Variants in COQ5 observed in about 807,000 individuals in gnomAD.
COQ5 encodes 2-methoxy-6-polyprenyl-1,4-benzoquinol methylase, mitochondrial.
COQ5 carries 27 observed loss-of-function variants against 40.5 expected under a neutral mutation model. The observed-to-expected ratio is 0.67, with a 90% CI of 0.49 to 0.92. The LOEUF (loss-of-function observed/expected upper bound fraction) is 0.92, where lower values mean the gene tolerates loss of function less well. Among genes scored for constraint, COQ5 ranks in the 40% least tolerant of loss-of-function variants. The pLI is 0.00. For missense variants in COQ5, 409 were observed against 406.4 expected, an observed-to-expected ratio of 1.01 and a Z score of -0.06; for synonymous variants, 141 against 150.0, an observed-to-expected ratio of 0.94 and a Z score of 0.44.
At chr12:120,511,719 T>C (rs1869143362) in intron 3 of COQ5, among the ~76,000 whole-genome samples, 1 of 152,194 alleles carries the variant, frequency 6.6e-6, no homozygotes, top group South Asian at 2.1e-4. Flanking sequence ...GCATATCACC[T>C]CCTAGTACGA....
intron 1 of COQ5, among the ~76,000 whole-genome samples, chr12:120,525,854 G>A (rs1275727392): frequency 6.6e-6 from 1 of 152,104 alleles, no homozygotes; most frequent in African/African-American, 2.4e-5. Flanking sequence ...GAACCTGGGA[G>A]GCGGAGCTTA....
Position 120,522,360 on chromosome 12 carries a change from T to A in COQ5, c.206A>T (p.Tyr69Phe). 1.2e-6 allele frequency: 2 copies of A among 1,613,288 alleles called. No individual in the cohort carries two copies. The highest frequency in any genetic ancestry group is 1.7e-6 in the Non-Finnish European group (2 of 1,179,254). Residue 69 changes from tyrosine to phenylalanine, a missense_variant, in exon 2 of 7, where the codon TAT (tyrosine) becomes TTT (phenylalanine). Tyr to Phe is a conservative substitution (Grantham distance 22). Transcript: ENST00000288532. The stretch of plus-strand genomic sequence containing the variant: ...CTTAGCCACACTTTCAAACACCTGA[T>A]AGACTGACATGGGAGAAACACACAC... ...VSEEEKGGKV[Y>F]QVFESVAKKY...
At chr12:120,515,527 G>A (rs1869341305) in intron 3 of COQ5, among the ~76,000 whole-genome samples, 1 of 152,222 alleles carries the variant, frequency 6.6e-6, no homozygotes, top group African/African-American at 2.4e-5. Flanking sequence ...CTGTTCACGA[G>A]TGTTTCTTTG....
chr12:120,527,415 A>C (rs1870002198), intron 1 of COQ5: 1 of 152,094 alleles, frequency 6.6e-6, no homozygotes, highest in Non-Finnish European at 1.5e-5. Flanking sequence ...ATATTTTTTC[A>C]TTTCACTATA....
intron 4 of COQ5, among the ~76,000 whole-genome samples, chr12:120,506,179 T>C (rs1274747069): frequency 6.6e-6 from 1 of 151,936 alleles, no homozygotes; most frequent in African/African-American, 2.4e-5. Context: ...AAATAAAAAG[T>C]ATAGGAAGCC....
intron 1 of COQ5, 131 bp downstream of exon 1, chr12:120,528,809 A>AAG: frequency 1.1e-6 from 1 of 936,396 alleles, no homozygotes; most frequent in South Asian, 1.4e-5. Context: ...TGTCTCCAAA[A>AAG]AAAAAAAAAA....
intron 1 of COQ5, among the ~76,000 whole-genome samples, chr12:120,528,254 A>G (rs1182532009): frequency 1.3e-5 from 2 of 151,716 alleles, no homozygotes; most frequent in African/African-American, 2.4e-5. Flanking sequence ...AAAAACCCCT[A>G]TTTTTCTCTA....
chr12:120,512,350 C>T (rs1348672730), intron 3 of COQ5, among the ~76,000 whole-genome samples: 1 of 152,120 alleles, frequency 6.6e-6, no homozygotes, highest in African/African-American at 2.4e-5. Flanking sequence ...TGCCTGTAAC[C>T]CCAGCACTTT....
intron 1 of COQ5, chr12:120,522,960 C>T: frequency 1.7e-6 from 1 of 603,076 alleles, no homozygotes; most frequent in Non-Finnish European, 2.9e-6. Context: ...CTTTTTTAGG[C>T]CTTTCTTGTT....
At chr12:120,514,784 A>C (rs1306582455) in intron 3 of COQ5, among the ~76,000 whole-genome samples, 2 of 115,586 alleles carry the variant, frequency 1.7e-5, no homozygotes, top group Non-Finnish European at 4.0e-5. Context: ...ACAACAACAA[A>C]AACTGGGCCA....
At chr12:120,514,642 C>T (rs1385071752) in intron 3 of COQ5, among the ~76,000 whole-genome samples, 2 of 151,762 alleles carry the variant, frequency 1.3e-5, no homozygotes, top group Admixed American at 6.6e-5. Flanking sequence ...ACTCGGGAGG[C>T]TGAGGCACAA....
chr12:120,521,805 T>C (rs1306555646), intron 2 of COQ5, among the ~76,000 whole-genome samples: 1 of 151,670 alleles, frequency 6.6e-6, no homozygotes, highest in Admixed American at 6.6e-5. Flanking sequence ...GAGACCAGCC[T>C]GGGAAACACA....
Position 120,520,410 on chromosome 12 carries a change from C to T in COQ5, c.352+1804G>A, listed in dbSNP as rs945130488. ...GCTTGATCTCGGCTCACTGCAACCT[C>T]GGCCTCCTGGGTTCAAGCAATTCTC... On this transcript the variant is annotated intron_variant, in intron 2 of 6. Transcript: ENST00000288532. Among the ~76,000 whole-genome samples, 6 of 151,896 alleles carry T rather than the reference C, an allele frequency of 4.0e-5. No homozygotes were observed. In the East Asian group the frequency reaches 9.6e-4, roughly 24 times the overall value.
intron 1 of COQ5, among the ~76,000 whole-genome samples, chr12:120,526,702 T>TTTTTTTTTTC (rs1227523594): frequency 7.1e-5 from 3 of 42,460 alleles, no homozygotes; most frequent in African/African-American, 2.4e-4. Context: ...TTGGCAATTT[T>TTTTTTTTTTC]TTTTTTTTTT....
chr12:120,517,347 C>T (rs1349565073), intron 2 of COQ5, among the ~76,000 whole-genome samples: 3 of 145,524 alleles, frequency 2.1e-5, no homozygotes, highest in Non-Finnish European at 3.0e-5. Flanking sequence ...AGCGAAACTC[C>T]GTCTCAAAAA....
In COQ5 at chr12:120,503,499, G is replaced by GT. The variant is rs1233096894; in HGVS notation, c.*284dup. On this transcript the variant is annotated 3_prime_UTR_variant, in exon 7 of 7. Transcript: ENST00000288532. ...CTCACTTCAAAACTGAGCTTTAGGG[G>GT]TGGTTGTACCTTAACCACACACCCT... 2 of 553,898 alleles carry GT rather than the reference G, an allele frequency of 3.6e-6. No homozygotes were observed. The highest frequency in any genetic ancestry group is 6.9e-6 in the Non-Finnish European group (2 of 290,344). 34.3% of individuals were successfully genotyped at this position (553,898 alleles called of 1,614,324 possible).
chr12:120,528,218 A>G (rs1870055999), intron 1 of COQ5, among the ~76,000 whole-genome samples: 1 of 151,298 alleles, frequency 6.6e-6, no homozygotes, highest in Non-Finnish European at 1.5e-5. Flanking sequence ...AAATAAATAA[A>G]TAAATAAATA....
chr12:120,506,983 G>A (rs980388873), intron 4 of COQ5, among the ~76,000 whole-genome samples: 3 of 151,760 alleles, frequency 2.0e-5, no homozygotes, highest in African/African-American at 2.4e-5. Context: ...ACAGATGCCC[G>A]CCACCATGCC....
intron 2 of COQ5, among the ~76,000 whole-genome samples, chr12:120,520,824 T>A (rs914178394): frequency 6.6e-6 from 1 of 151,908 alleles, no homozygotes; most frequent in Non-Finnish European, 1.5e-5. Context: ...GACATTTTTC[T>A]CTCCAAATGC....
Sources: gnomAD v4.1 joint callset for allele counts (sites outside exome capture counted in the v4.1 genomes callset) on GRCh38, gnomAD v4.1.1 for gene constraint, MANE v1.5 for transcripts, NCBI Gene and HGNC (gene_info 2026-07-23, HGNC 2026-07-21) for gene names.